ADGRV1: variants seen among roughly 807,000 people sequenced by gnomAD.
The protein encoded by ADGRV1 is adhesion G protein-coupled receptor V1.
ADGRV1 carries 359 observed loss-of-function variants against 596.2 expected under a neutral mutation model. The ratio of observed to expected loss-of-function variants is 0.60; its 90% CI spans 0.55 to 0.66. ADGRV1 has a LOEUF of 0.66. Ranked by LOEUF, ADGRV1 falls within the 30% of genes least tolerant of loss-of-function variation. The probability of loss-of-function intolerance (pLI) is 0.00; values close to 1 mark genes in which losing one functional copy is unlikely to be tolerated. For missense variants in ADGRV1, 7,274 were observed against 7,575.6 expected (o/e 0.96, Z 1.48); for synonymous variants, 2,681 against 2,679.2 (o/e 1.00, Z -0.02).
chr5:90,856,927 G>T (rs1218747068), intron 82 of ADGRV1, among the ~76,000 whole-genome samples: 1 of 152,018 alleles, frequency 6.6e-6, no homozygotes, highest in African/African-American at 2.4e-5. Flanking sequence ...CTTGTATTTG[G>T]TATGCAAACA....
chr5:91,126,969 A>G (rs1205540119), intron 87 of ADGRV1, among the ~76,000 whole-genome samples: 1 of 152,210 alleles, frequency 6.6e-6, no homozygotes, highest in African/African-American at 2.4e-5. Flanking sequence ...CAGAACAGCC[A>G]GGTGTCTGTT....
rs377005784 is a variant in ADGRV1 at position 90,783,830 on chromosome 5, C to T, written c.13434-8C>T. 4 of 1,589,436 alleles carry T rather than the reference C, an allele frequency of 2.5e-6. No homozygotes were observed. Among genetic ancestry groups the T allele is most frequent in the South Asian group, 1.1e-5 (1 of 87,542 alleles). ...AGACTCACAGAATTGCTCCTTCTTG[C>T]CATGCAGTGAATTTGAGGAGCCCAT... On this transcript the variant is annotated splice_polypyrimidine_tract_variant and splice_region_variant and intron_variant, in intron 66 of 89. Transcript: ENST00000405460.
At chr5:90,718,347 T>C (rs1213651041) in intron 43 of ADGRV1, 2 of 152,246 alleles carry the variant, frequency 1.3e-5, no homozygotes, top group African/African-American at 2.4e-5. Context: ...TTATATTTTA[T>C]TGTATGTATA....
rs1204042027 is a variant in ADGRV1, at chr5:90,690,095, GTC to G, written c.6706+25_6706+26del. The G allele has an allele frequency of 7.4e-6, 10 of 1,354,330 alleles. No homozygotes were observed. The highest frequency in any genetic ancestry group is 1.0e-5 in the Non-Finnish European group (10 of 966,332). 83.9% of individuals were successfully genotyped at this position (1,354,330 alleles called of 1,614,324 possible). ...TTATTTGGTATGAAGACTAATTTAT[GTC>G]TCTCTTTGACTTGTCTGCATGTATA... is the stretch of plus-strand genomic sequence containing the variant. On this transcript the variant is annotated intron_variant, in intron 30 of 89. Coordinates refer to ENST00000405460, the MANE Select transcript of ADGRV1 (RefSeq NM_032119.4).
intron 70 of ADGRV1, among the ~76,000 whole-genome samples, chr5:90,795,914 G>C (rs4275001): frequency 6.6e-6 from 1 of 152,216 alleles, no homozygotes; most frequent in Admixed American, 6.5e-5. Context: ...GGACCTGACT[G>C]TTAGAAGGAA....
chr5:90,599,779 T>C (rs547128668), intron 1 of ADGRV1, among the ~76,000 whole-genome samples: 4 of 152,314 alleles, frequency 2.6e-5, no homozygotes, highest in African/African-American at 9.6e-5. Flanking sequence ...GAAATAATAC[T>C]GTAAAGTCAT....
chr5:90,722,157 G>A (rs1751128341), intron 45 of ADGRV1, among the ~76,000 whole-genome samples: 2 of 152,088 alleles, frequency 1.3e-5, no homozygotes, highest in Admixed American at 6.6e-5. Flanking sequence ...TGATACAGAA[G>A]AGAAGTGAAG....
intron 21 of ADGRV1, among the ~76,000 whole-genome samples, chr5:90,667,611 G>T (rs6884466): frequency 1.3e-5 from 2 of 149,136 alleles, no homozygotes; most frequent in African/African-American, 2.5e-5. Context: ...TCTCTCAGCT[G>T]GTGAAAGTCA....
chr5:90,685,043 G>A (rs1302828655), intron 28 of ADGRV1, among the ~76,000 whole-genome samples: 1 of 152,120 alleles, frequency 6.6e-6, no homozygotes, highest in Non-Finnish European at 1.5e-5. Flanking sequence ...TCATTCTGTT[G>A]TAATATTATG....
intron 78 of ADGRV1, among the ~76,000 whole-genome samples, chr5:90,842,469 G>A (rs1213807670): frequency 6.6e-6 from 1 of 152,078 alleles, no homozygotes; most frequent in African/African-American, 2.4e-5. Flanking sequence ...CCCAGCGGAG[G>A]CGGGATTGGG....
intron 21 of ADGRV1, 128 bp downstream of exon 21, chr5:90,658,406 C>A: frequency 1.4e-6 from 1 of 709,572 alleles, no homozygotes; most frequent in South Asian, 5.0e-5. Flanking sequence ...TATGCTAGGG[C>A]CAGTGATTGC....
chr5:90,908,965 T>C (rs753471695), intron 83 of ADGRV1, among the ~76,000 whole-genome samples: 22 of 152,202 alleles, frequency 1.4e-4, no homozygotes, highest in Non-Finnish European at 3.2e-4. Context: ...AGAGTGATTT[T>C]AAGGATGAGT....
Position 90,628,608 on chromosome 5 carries a change from G to A in ADGRV1, c.1285G>A (p.Val429Ile). 6.2e-7 allele frequency: 1 copy of A among 1,613,864 alleles called. No individual in the cohort carries two copies. Among genetic ancestry groups the A allele is most frequent in the Non-Finnish European group, 8.5e-7 (1 of 1,179,742 alleles). Residue 429 changes from valine (V) to isoleucine (I), a missense_variant, in exon 8 of 90, where the codon GTC (valine) becomes ATC (isoleucine). Around this residue, in one of 5 missense-constraint regions of ADGRV1, gnomAD observed 1,715 missense variants for 1,708.8 expected, o/e 1.00. Coordinates refer to ENST00000405460, the MANE Select transcript of ADGRV1 (RefSeq NM_032119.4). The part of the protein sequence containing the change: ...VVRNGGTHGN[V>I]SANWVLTRNS... ...TAGAAATGGAGGAACCCATGGGAAT[G>A]TCTCTGCGAATTGGGTGTTGACACG...
At chr5:91,150,009 C>CTTTTTT (rs35858094) in intron 87 of ADGRV1, 21 bp from the exon 88 acceptor site, 23 of 1,288,798 alleles carry the variant, frequency 1.8e-5, no homozygotes, top group South Asian at 9.6e-5. Context: ...CTTTTCTTTT[C>CTTTTTT]TTTTTTTTTT....
chr5:90,972,935 C>T (rs1487025575), intron 84 of ADGRV1, among the ~76,000 whole-genome samples: 1 of 151,954 alleles, frequency 6.6e-6, no homozygotes, highest in Non-Finnish European at 1.5e-5. Flanking sequence ...AAAAGATCAA[C>T]AAAACTGATA....
intron 86 of ADGRV1, among the ~76,000 whole-genome samples, chr5:91,091,326 A>C (rs1208404780): frequency 2.0e-5 from 3 of 152,156 alleles, no homozygotes; most frequent in African/African-American, 7.2e-5. Flanking sequence ...TTCTCTGTGC[A>C]CCTTCCCTAC....
chr5:90,698,114 C>T (rs62375132), intron 34 of ADGRV1, among the ~76,000 whole-genome samples: 1,643 of 152,112 alleles, frequency 0.011, 15 homozygotes, highest in Non-Finnish European at 0.018. Context: ...CTTTTATTAA[C>T]GGTTTGGAAT....
Position 90,840,921 on chromosome 5 carries a change from G to T in ADGRV1, c.16955G>T (p.Ser5652Ile). ...CTCAACAGAGTGCTCCATACCATCAGCATGAAAGTGGCCACAGAAAACACA... is the reference window on the plus strand; with the variant it reads ...CTCAACAGAGTGCTCCATACCATCATCATGAAAGTGGCCACAGAAAACACA... ...DILNRVLHTI[S>I]MKVATENTDE... The change falls in exon 78 of 90, where the codon AGC (serine) becomes ATC (isoleucine). Residue 5652 changes from serine (S) to isoleucine (I), a missense_variant. Physicochemically the swap from Ser to Ile is moderately radical, Grantham distance 142. This residue lies in a region of ADGRV1 where 1,874 missense variants were observed against 1,970.2 expected (regional missense o/e 0.95). Coordinates refer to ENST00000405460, the MANE Select transcript of ADGRV1 (RefSeq NM_032119.4). 2 of 1,519,428 alleles carry T rather than the reference G, an allele frequency of 1.3e-6. No individual in the cohort carries two copies. Among genetic ancestry groups the T allele is most frequent in the Non-Finnish European group, 1.8e-6 (2 of 1,130,852 alleles). 94.1% of individuals were successfully genotyped at this position (1,519,428 alleles called of 1,614,324 possible).
At chr5:90,957,747 T>C (rs1399523906) in intron 83 of ADGRV1, among the ~76,000 whole-genome samples, 3 of 150,966 alleles carry the variant, frequency 2.0e-5, no homozygotes, top group African/African-American at 7.3e-5. Context: ...AGCAAAGTAG[T>C]GTGAGGTTTG....
Sources: gnomAD v4.1 joint callset for allele counts (sites outside exome capture counted in the v4.1 genomes callset) on GRCh38, gnomAD v4.1.1 for gene constraint, gnomAD v4.1.1 regional missense constraint, MANE v1.5 for transcripts, NCBI Gene and HGNC (gene_info 2026-07-23, HGNC 2026-07-21) for gene names.